RIMS1: variants seen among roughly 807,000 people sequenced by gnomAD.
RIMS1 encodes the protein regulating synaptic membrane exocytosis 1, also known as regulating synaptic membrane exocytosis protein 1.
Under a neutral mutation model 214.1 loss-of-function variants are expected in RIMS1, and 83 were observed. The ratio of observed to expected loss-of-function variants is 0.39; its 90% CI spans 0.32 to 0.47. The LOEUF (loss-of-function observed/expected upper bound fraction) is 0.47. RIMS1 is among the 20% of genes least tolerant of loss of function. RIMS1 has a pLI of 0.99. For missense variants in RIMS1, 2,050 were observed against 2,161.8 expected (o/e 0.95, Z 1.03); for synonymous variants, 793 against 786.8 (o/e 1.01, Z -0.13).
intron 6 of RIMS1, among the ~76,000 whole-genome samples, chr6:72,188,698 G>A (rs2496511): frequency 0.98 from 148,736 of 152,258 alleles, 72,730 homozygotes; most frequent in East Asian, 1. Flanking sequence ...GAGTCACCCA[G>A]ACCATCATTC....
Position 72,235,645 on chromosome 6 carries a change from G to A in RIMS1, c.1774G>A (p.Glu592Lys), listed in dbSNP as rs974147677. 4 of 1,611,134 alleles carry A rather than the reference G, an allele frequency of 2.5e-6. No individual in the cohort carries two copies. Among genetic ancestry groups the A allele is most frequent in the Non-Finnish European group, 3.4e-6 (4 of 1,178,482 alleles). The stretch of plus-strand genomic sequence containing the variant: ...TCCTGTAACGTGGCAACCATCTAAA[G>A]AGGGGGACCGATTAATTGGACGTGT... ...SHPVTWQPSK[E>K]GDRLIGRVIL... Residue 592 changes from glutamate (E) to lysine (K), a missense_variant, in exon 8 of 34, where the codon GAG becomes AAG. Glu to Lys is a moderately conservative substitution (Grantham distance 56, BLOSUM62 1). Around this residue, in one of 6 missense-constraint regions of RIMS1, gnomAD observed 882 missense variants for 828.9 expected, o/e 1.06. Coordinates refer to ENST00000521978, the MANE Select transcript of RIMS1 (RefSeq NM_014989.7).
intron 29 of RIMS1, among the ~76,000 whole-genome samples, chr6:72,347,662 A>G (rs1463640536): frequency 6.6e-6 from 1 of 151,856 alleles, no homozygotes; most frequent in Non-Finnish European, 1.5e-5. Flanking sequence ...CTTTCTATGC[A>G]TCAGACCTAT....
At chr6:72,238,024 TAC>T in intron 9 of RIMS1, 102 bp downstream of exon 9, 1 of 645,038 alleles carries the variant, frequency 1.6e-6, no homozygotes, top group Non-Finnish European at 2.7e-6. Context: ...CATACATACA[TAC>T]ATGTATGTAT....
chr6:72,186,175 A>C (rs1169385668), intron 6 of RIMS1, among the ~76,000 whole-genome samples: 1 of 152,240 alleles, frequency 6.6e-6, no homozygotes, highest in Admixed American at 6.5e-5. Flanking sequence ...ATTTCTGACT[A>C]CTTGGGGGTC....
At chr6:72,185,328 C>T (rs192600337) in intron 6 of RIMS1, among the ~76,000 whole-genome samples, 2 of 152,136 alleles carry the variant, frequency 1.3e-5, no homozygotes, top group African/African-American at 4.8e-5. Context: ...GCCATCAGAC[C>T]CAAAACAATT....
At chr6:72,146,062 A>C (rs753108598) in intron 4 of RIMS1, among the ~76,000 whole-genome samples, 1 of 152,220 alleles carries the variant, frequency 6.6e-6, no homozygotes, top group East Asian at 1.9e-4. Flanking sequence ...GCAATATTTT[A>C]AGCAAAAAGT....
At chr6:72,120,136 T>C (rs1008670837) in intron 4 of RIMS1, among the ~76,000 whole-genome samples, 1 of 151,814 alleles carries the variant, frequency 6.6e-6, no homozygotes, top group Non-Finnish European at 1.5e-5. Flanking sequence ...GTCTTTATAG[T>C]AGCATGATTT....
intron 6 of RIMS1, among the ~76,000 whole-genome samples, chr6:72,186,788 C>CCA (rs33995489): frequency 1.3e-5 from 2 of 151,384 alleles, no homozygotes; most frequent in Non-Finnish European, 2.9e-5. Context: ...TACCCCCCCC[C>CCA]ATATATATGT....
chr6:72,271,284 AAAATATATATATAT>A (rs1305647013), intron 22 of RIMS1, among the ~76,000 whole-genome samples: 5,159 of 23,926 alleles, frequency 0.22, 265 homozygotes, highest in South Asian at 0.31. Context: ...AAAAAAAAAA[AAAATATATATATAT>A]ATATATATAT....
chr6:72,096,816 A>G, intron 2 of RIMS1, 133 bp from the exon 3 acceptor site: 1 of 730,226 alleles, frequency 1.4e-6, no homozygotes, highest in South Asian at 1.7e-5. Context: ...AGTGGGGAAA[A>G]TAGTTTTGTA....
intron 1 of RIMS1, among the ~76,000 whole-genome samples, chr6:71,948,382 T>C (rs1406068004): frequency 6.6e-6 from 1 of 152,230 alleles, no homozygotes; most frequent in African/African-American, 2.4e-5. Context: ...ACATTGAATA[T>C]TTCTTAATAG....
intron 29 of RIMS1, among the ~76,000 whole-genome samples, chr6:72,342,626 GGTGTGTGTGTGTGT>G (rs113847815): frequency 1.4e-5 from 2 of 145,874 alleles, no homozygotes; most frequent in South Asian, 2.2e-4. Flanking sequence ...GAGTAAGATG[GGTGTGTGTGTGTGT>G]GTGTGTGTGT....
At chr6:72,033,493 T>C (rs1046268110) in intron 2 of RIMS1, among the ~76,000 whole-genome samples, 9 of 152,168 alleles carry the variant, frequency 5.9e-5, no homozygotes, top group African/African-American at 1.7e-4. Context: ...TTTTTTTTCC[T>C]TTTAGACTGA....
Position 72,286,138 on chromosome 6 carries a change from G to C in RIMS1, c.3554+2020G>C, listed in dbSNP as rs141376426. ...CTTGAACCTAGGAGGTGGAGGTTGCGGTGAGCCGAGATTGCGCCATTGCAC... is the reference window on the plus strand; with the variant it reads ...CTTGAACCTAGGAGGTGGAGGTTGCCGTGAGCCGAGATTGCGCCATTGCAC... On this transcript the variant is annotated intron_variant, in intron 24 of 33. Transcript: ENST00000521978. Among the ~76,000 whole-genome samples, 364 of 151,880 alleles carry C rather than the reference G, an allele frequency of 2.4e-3. 4 individuals carry two copies. Among genetic ancestry groups the C allele is most frequent in the East Asian group, 4.9e-3 (25 of 5,150 alleles).
intron 29 of RIMS1, among the ~76,000 whole-genome samples, chr6:72,373,398 A>T (rs1384761564): frequency 1.3e-5 from 2 of 152,186 alleles, no homozygotes; most frequent in African/African-American, 4.8e-5. Context: ...ATTCATGGCC[A>T]TGTTCATTCA....
intron 31 of RIMS1, among the ~76,000 whole-genome samples, chr6:72,393,578 T>A (rs543082417): frequency 6.6e-6 from 1 of 151,650 alleles, no homozygotes; most frequent in South Asian, 2.1e-4. Flanking sequence ...ACAAAAAAAA[T>A]TAGCCGGGCA....
chr6:72,148,552 G>C (rs2043059037), intron 4 of RIMS1: 1 of 456,384 alleles, frequency 2.2e-6, no homozygotes, highest in African/African-American at 2.0e-5. Flanking sequence ...ACTCCCTGCT[G>C]TCAGTAACCT....
intron 6 of RIMS1, among the ~76,000 whole-genome samples, chr6:72,214,956 C>G (rs560233897): frequency 6.6e-6 from 1 of 152,008 alleles, no homozygotes; most frequent in South Asian, 2.1e-4. Flanking sequence ...TCCTGACCTC[C>G]GGTGATCCAC....
chr6:72,188,440 T>C (rs2049497589), intron 6 of RIMS1, among the ~76,000 whole-genome samples: 2 of 152,170 alleles, frequency 1.3e-5, no homozygotes, highest in Admixed American at 6.5e-5. Context: ...AATGCTGATA[T>C]GAAGTCAATA....
Sources: gnomAD v4.1 joint callset for allele counts (sites outside exome capture counted in the v4.1 genomes callset) on GRCh38, gnomAD v4.1.1 for gene constraint, gnomAD v4.1.1 regional missense constraint, MANE v1.5 for transcripts, NCBI Gene and HGNC (gene_info 2026-07-23, HGNC 2026-07-21) for gene names.